Variants in EBF2 observed in about 807,000 individuals in gnomAD.
EBF2 encodes the protein EBF transcription factor 2.
Under a neutral mutation model 72.8 loss-of-function variants are expected in EBF2, and 21 were observed. The ratio of observed to expected loss-of-function variants is 0.29; its 90% CI spans 0.20 to 0.42. The LOEUF is 0.42. EBF2 is among the 10% of genes least tolerant of loss of function. The pLI is 1.00. For synonymous variants in EBF2, 299 were observed against 274.2 expected (o/e 1.09, Z -0.89); for missense variants, 637 against 731.2 (o/e 0.87, Z 1.49).
chr8:26,021,480 G>C lies in EBF2; in HGVS notation c.551+11605C>G, dbSNP rs1433616703. Reference sequence around the variant, plus strand: ...CAACATCTCTCTTCCCCCTCCACAGGCTGAGAAAGGGCCACTGCTTTCCAA... The same window carrying C: ...CAACATCTCTCTTCCCCCTCCACAGCCTGAGAAAGGGCCACTGCTTTCCAA... On this transcript the variant is annotated intron_variant, in intron 6 of 15. Coordinates refer to ENST00000520164, the MANE Select transcript of EBF2 (RefSeq NM_022659.4). 8.5e-5 allele frequency among the ~76,000 whole-genome samples: 13 copies of C among 152,146 alleles called. No individual in the cohort carries two copies. In the East Asian group the frequency reaches 2.5e-3, roughly 29 times the overall value.
At chr8:25,956,601 A>G (rs915502460) in intron 6 of EBF2, among the ~76,000 whole-genome samples, 2 of 152,124 alleles carry the variant, frequency 1.3e-5, no homozygotes, top group African/African-American at 2.4e-5. Flanking sequence ...CAAATCTCCA[A>G]TGACTATTAT....
intron 13 of EBF2, among the ~76,000 whole-genome samples, chr8:25,860,207 C>A (rs866669584): frequency 1.3e-5 from 2 of 152,164 alleles, no homozygotes; most frequent in Non-Finnish European, 2.9e-5. Flanking sequence ...TGTCTTTACA[C>A]GGTCTGCTTC....
chr8:25,867,495 G>A (rs903086100), intron 10 of EBF2, among the ~76,000 whole-genome samples: 21 of 152,134 alleles, frequency 1.4e-4, no homozygotes, highest in African/African-American at 4.6e-4. Flanking sequence ...ACACTGCCCG[G>A]CTTCCTTCCT....
chr8:25,848,934 G>A (rs563621829), intron 15 of EBF2, among the ~76,000 whole-genome samples: 43 of 152,264 alleles, frequency 2.8e-4, no homozygotes, highest in African/African-American at 8.7e-4. Context: ...AGGAAAGTAC[G>A]GTAAATATTC....
intron 15 of EBF2, among the ~76,000 whole-genome samples, chr8:25,845,111 T>A (rs965973023): frequency 3.3e-5 from 5 of 152,122 alleles, no homozygotes; most frequent in South Asian, 4.1e-4. Context: ...ATCCTTCACT[T>A]CTTTGGTGAG....
intron 6 of EBF2, among the ~76,000 whole-genome samples, chr8:25,986,976 C>T (rs1363299891): frequency 6.6e-6 from 1 of 152,194 alleles, no homozygotes; most frequent in African/African-American, 2.4e-5. Flanking sequence ...AGCTCTGTGA[C>T]ACTTTTCTGT....
At chr8:25,861,403 TCAAAGG>T (rs763829684) in intron 11 of EBF2, 29 bp from the exon 12 acceptor site, 6 of 1,612,218 alleles carry the variant, frequency 3.7e-6, no homozygotes, top group Non-Finnish European at 5.1e-6. Flanking sequence ...TGGGATATTG[TCAAAGG>T]CAAAATCCAA....
intron 6 of EBF2, among the ~76,000 whole-genome samples, chr8:25,978,083 A>C (rs1804297272): frequency 6.6e-6 from 1 of 152,186 alleles, no homozygotes; most frequent in Non-Finnish European, 1.5e-5. Context: ...AGAGGCCATC[A>C]GTAGCTCCTG....
At chr8:25,940,516 T>G (rs1471363470) in intron 6 of EBF2, among the ~76,000 whole-genome samples, 1 of 152,020 alleles carries the variant, frequency 6.6e-6, no homozygotes. Context: ...CAGAGATATG[T>G]AACATTATTA....
chr8:25,852,391 G>A (rs1296471196), intron 14 of EBF2, among the ~76,000 whole-genome samples: 2 of 152,112 alleles, frequency 1.3e-5, no homozygotes, highest in East Asian at 1.9e-4. Context: ...CTGGGACTTA[G>A]GAGGCCCTGA....
intron 7 of EBF2, among the ~76,000 whole-genome samples, chr8:25,906,558 G>A (rs1437646878): frequency 6.6e-6 from 1 of 152,094 alleles, no homozygotes; most frequent in African/African-American, 2.4e-5. Flanking sequence ...CTTGAGGTCT[G>A]GAGTTTCAGA....
At chr8:25,852,281 A>G (rs1801997098) in intron 14 of EBF2, among the ~76,000 whole-genome samples, 1 of 152,184 alleles carries the variant, frequency 6.6e-6, no homozygotes, top group Admixed American at 6.5e-5. Context: ...AATCTCTTCT[A>G]GCCTTGGGTT....
At chr8:25,856,361 T>A (rs540921158) in intron 14 of EBF2, among the ~76,000 whole-genome samples, 2 of 152,364 alleles carry the variant, frequency 1.3e-5, no homozygotes, top group Admixed American at 1.3e-4. Context: ...TATTACACTA[T>A]AAATACATTA....
At chr8:25,881,472 C>G (rs1802604442) in intron 10 of EBF2, among the ~76,000 whole-genome samples, 1 of 152,216 alleles carries the variant, frequency 6.6e-6, no homozygotes, top group Non-Finnish European at 1.5e-5. Flanking sequence ...TCCTTTTAGT[C>G]CTCATCAGGT....
chr8:25,857,094 A>G (rs1275697144), intron 14 of EBF2, among the ~76,000 whole-genome samples: 1 of 152,190 alleles, frequency 6.6e-6, no homozygotes, highest in Admixed American at 6.5e-5. Context: ...GGTAGAAACA[A>G]ATCAAGCAAT....
chr8:26,010,149 A>G (rs1321001335), intron 6 of EBF2, among the ~76,000 whole-genome samples: 1 of 152,212 alleles, frequency 6.6e-6, no homozygotes, highest in African/African-American at 2.4e-5. Flanking sequence ...CTGGGCTGGT[A>G]CAAAAGGGAA....
chr8:26,011,814 A>ATT (rs1563208131), intron 6 of EBF2, among the ~76,000 whole-genome samples: 11 of 149,078 alleles, frequency 7.4e-5, no homozygotes, highest in Admixed American at 2.7e-4. Flanking sequence ...TTTTTTTTAA[A>ATT]AAAAAAAAGC....
chr8:26,026,292 C>T (rs1426849987), intron 6 of EBF2, among the ~76,000 whole-genome samples: 1 of 152,114 alleles, frequency 6.6e-6, no homozygotes, highest in African/African-American at 2.4e-5. Context: ...ATATTAATAA[C>T]TCCGGTAAAT....
chr8:25,877,807 C>G (rs1431909300), intron 10 of EBF2, among the ~76,000 whole-genome samples: 1 of 152,048 alleles, frequency 6.6e-6, no homozygotes, highest in Non-Finnish European at 1.5e-5. Flanking sequence ...TCGTAAGAAC[C>G]CTCCCACGGG....
Sources: gnomAD v4.1 joint callset for allele counts (sites outside exome capture counted in the v4.1 genomes callset) on GRCh38, gnomAD v4.1.1 for gene constraint, MANE v1.5 for transcripts, NCBI Gene and HGNC (gene_info 2026-07-23, HGNC 2026-07-21) for gene names.